MAP3K7CL: variants seen among roughly 807,000 people sequenced by gnomAD.
MAP3K7CL encodes MAP3K7 C-terminal like, also known as MAP3K7 C-terminal-like protein.
A neutral mutation model predicts 18.6 loss-of-function variants in MAP3K7CL; 16 were observed. The ratio of observed to expected loss-of-function variants is 0.86; its 90% confidence interval spans 0.58 to 1.31. The LOEUF is 1.31. Among genes scored for constraint, MAP3K7CL ranks in the 50% most tolerant of loss-of-function variants. The pLI is 0.00. For synonymous variants in MAP3K7CL, 65 were observed against 66.8 expected, an observed-to-expected ratio of 0.97 and a Z score of 0.13; for missense variants, 163 against 174.4, an observed-to-expected ratio of 0.93 and a Z score of 0.37.
intron 4 of MAP3K7CL, among the ~76,000 whole-genome samples, chr21:29,093,056 A>G (rs1020901147): frequency 2.0e-5 from 3 of 152,140 alleles, no homozygotes; most frequent in African/African-American, 7.2e-5. Context: ...GGCATGTACC[A>G]CTATGCCCAG....
At chr21:29,101,768 C>A (rs1358448304) in intron 4 of MAP3K7CL, among the ~76,000 whole-genome samples, 1 of 152,084 alleles carries the variant, frequency 6.6e-6, no homozygotes, top group Admixed American at 6.5e-5. Flanking sequence ...TCTAATTTTT[C>A]TTGATTATGT....
chr21:29,165,907 G>C (rs1410896580), intron 4 of MAP3K7CL, among the ~76,000 whole-genome samples: 1 of 152,150 alleles, frequency 6.6e-6, no homozygotes, highest in Non-Finnish European at 1.5e-5. Context: ...ACTTAGTTAT[G>C]GGGTCTAGTG....
intron 4 of MAP3K7CL, among the ~76,000 whole-genome samples, chr21:29,105,754 G>T (rs773398785): frequency 6.6e-6 from 1 of 152,172 alleles, no homozygotes; most frequent in Non-Finnish European, 1.5e-5. Context: ...TGACATTCAA[G>T]AGCGTTTTAA....
At chr21:29,143,012 C>T (rs1163041364) in intron 2 of MAP3K7CL, among the ~76,000 whole-genome samples, 1 of 152,200 alleles carries the variant, frequency 6.6e-6, no homozygotes, top group Non-Finnish European at 1.5e-5. Flanking sequence ...TAAGCCACTA[C>T]TCAGATTCAC....
intron 3 of MAP3K7CL, among the ~76,000 whole-genome samples, chr21:29,159,409 T>C (rs897639449): frequency 6.6e-6 from 1 of 152,182 alleles, no homozygotes; most frequent in African/African-American, 2.4e-5. Context: ...ACAGGTTGCT[T>C]AATCCTTGCA....
upstream of MAP3K7CL, among the ~76,000 whole-genome samples, chr21:29,081,171 G>T (rs934231119): frequency 2.6e-5 from 4 of 152,106 alleles, 1 homozygote; most frequent in South Asian, 8.3e-4. Context: ...CTTAGTACAT[G>T]CAGGGAACAT....
chr21:29,121,800 T>C (rs1036628129), intron 4 of MAP3K7CL, among the ~76,000 whole-genome samples: 1 of 151,738 alleles, frequency 6.6e-6, no homozygotes, highest in Non-Finnish European at 1.5e-5. Flanking sequence ...TTAAGAGGCT[T>C]GTATTCATGG....
At chr21:29,087,394 C>G (rs2085942779) in intron 1 of MAP3K7CL, among the ~76,000 whole-genome samples, 1 of 151,986 alleles carries the variant, frequency 6.6e-6, no homozygotes, top group South Asian at 2.1e-4. Flanking sequence ...GAATTTGGAC[C>G]AAATATGTTT....
Position 29,133,331 on chromosome 21 carries a change from G to A in MAP3K7CL, c.-14G>A. 6.5e-7 allele frequency: 1 copy of A among 1,550,376 alleles called. No homozygotes were observed. Among genetic ancestry groups the A allele is most frequent in the Non-Finnish European group, 8.7e-7 (1 of 1,146,870 alleles). On this transcript the variant is annotated 5_prime_UTR_variant, in exon 2 of 5. Transcript: ENST00000399928. ...CTGGAAGACCCAGGAGAAGGCGGAG[G>A]CTCAGGTGCCCACATGATCAGCACA...
rs531630115 is a variant in MAP3K7CL at position 29,093,567 on chromosome 21, C to T, written c.370+986C>T. ...CGTGATCTCGGCTCACTGCAAGCTC[C>T]GCCTCCTGGGTTCACGCCATTCCCC... On this transcript the variant is annotated intron_variant, in intron 4 of 6. Transcript: ENST00000286791. Among the ~76,000 whole-genome samples, 115 of 152,136 alleles carry T rather than the reference C, an allele frequency of 7.6e-4. 1 individual carries two copies. The highest frequency in any genetic ancestry group is 1.1e-3 in the Non-Finnish European group (76 of 68,008).
At chr21:29,162,050 GAAT>G (rs1219801125) in intron 4 of MAP3K7CL, among the ~76,000 whole-genome samples, 11 of 152,200 alleles carry the variant, frequency 7.2e-5, no homozygotes, top group South Asian at 6.2e-4. Context: ...AAGTTGCTTG[GAAT>G]ACTCAGATTG....
upstream of MAP3K7CL, among the ~76,000 whole-genome samples, chr21:29,077,281 C>T (rs1419133757): frequency 6.6e-6 from 1 of 152,226 alleles, no homozygotes; most frequent in African/African-American, 2.4e-5. Flanking sequence ...GCATGGCGGG[C>T]TGCAGGTCCC....
At chr21:29,083,642 TG>T (rs2085874195), upstream of MAP3K7CL, among the ~76,000 whole-genome samples, 1 of 152,216 alleles carries the variant, frequency 6.6e-6, no homozygotes, top group African/African-American at 2.4e-5. Flanking sequence ...TAGAGCCAAA[TG>T]TGTAGCCCAT....
intron 1 of MAP3K7CL, among the ~76,000 whole-genome samples, chr21:29,087,183 TG>T (rs2085939640): frequency 6.6e-6 from 1 of 152,242 alleles, no homozygotes; most frequent in Non-Finnish European, 1.5e-5. Flanking sequence ...GTGTGGTTGA[TG>T]CCTCCTTCAG....
intron 4 of MAP3K7CL, among the ~76,000 whole-genome samples, chr21:29,100,423 T>C (rs942348154): frequency 7.2e-5 from 11 of 152,218 alleles, no homozygotes; most frequent in Non-Finnish European, 1.6e-4. Flanking sequence ...ACTAAGAGGT[T>C]GCAGTAACTT....
chr21:29,100,237 A>G (rs1568935056), intron 4 of MAP3K7CL, among the ~76,000 whole-genome samples: 1 of 152,196 alleles, frequency 6.6e-6, no homozygotes, highest in Non-Finnish European at 1.5e-5. Context: ...GCCTTTCTTC[A>G]TCTCAATTGA....
At chr21:29,095,039 T>C (rs1286111892) in intron 4 of MAP3K7CL, among the ~76,000 whole-genome samples, 1 of 128,988 alleles carries the variant, frequency 7.8e-6, no homozygotes, top group Non-Finnish European at 1.5e-5. Context: ...GCCTGGGTGA[T>C]AGAGCCAGAT....
chr21:29,106,853 G>A (rs1160281458), intron 4 of MAP3K7CL, among the ~76,000 whole-genome samples: 1 of 152,154 alleles, frequency 6.6e-6, no homozygotes, highest in Admixed American at 6.5e-5. Flanking sequence ...CTGAACACTT[G>A]TCTATTCTGC....
At chr21:29,083,307 TCCC>T (rs10609615), upstream of MAP3K7CL, among the ~76,000 whole-genome samples, 96,722 of 151,314 alleles carry the variant, frequency 0.64, 31,625 homozygotes, top group South Asian at 0.76. Flanking sequence ...TGCAGCACAT[TCCC>T]ATTTAGATAA....
Sources: allele counts gnomAD v4.1 joint callset (sites outside exome capture counted in the v4.1 genomes callset), GRCh38; gene constraint gnomAD v4.1.1; transcripts MANE v1.5; gene names NCBI Gene and HGNC (gene_info 2026-07-23, HGNC 2026-07-21).